The following SYT1 variants were observed in gnomAD, a reference collection of about 807,000 sequenced individuals.
SYT1 encodes synaptotagmin-1.
SYT1 carries 8 observed loss-of-function variants against 44.8 expected under a neutral mutation model. The ratio of observed to expected loss-of-function variants is 0.18; its 90% CI spans 0.10 to 0.32. SYT1 has a LOEUF of 0.32. Among genes scored for constraint, SYT1 ranks in the 10% least tolerant of loss-of-function variants. The pLI, the probability that SYT1 is intolerant of heterozygous loss-of-function variation, is 1.00. For synonymous variants in SYT1, 154 were observed against 188.8 expected, an observed-to-expected ratio of 0.82 and a Z score of 1.51; for missense variants, 286 against 509.3, an observed-to-expected ratio of 0.56 and a Z score of 4.22.
At chr12:79,420,045 T>C (rs1030304714) in intron 9 of SYT1, among the ~76,000 whole-genome samples, 3 of 152,148 alleles carry the variant, frequency 2.0e-5, no homozygotes, top group African/African-American at 4.8e-5. Context: ...TAACATGCCA[T>C]GGTAGGTAAA....
intron 3 of SYT1, among the ~76,000 whole-genome samples, chr12:79,141,862 A>T (rs1257179505): frequency 6.6e-6 from 1 of 152,158 alleles, no homozygotes; most frequent in Non-Finnish European, 1.5e-5. Context: ...TTGCCTTCAG[A>T]TGCATAATTC....
At chr12:78,879,063 A>T (rs998760329) in intron 1 of SYT1, among the ~76,000 whole-genome samples, 4 of 151,666 alleles carry the variant, frequency 2.6e-5, no homozygotes, top group African/African-American at 9.7e-5. Context: ...AATTACAAGG[A>T]TATAGGAAGT....
intron 1 of SYT1, among the ~76,000 whole-genome samples, chr12:78,866,575 G>T (rs1458035452): frequency 6.6e-6 from 1 of 152,110 alleles, no homozygotes; most frequent in Non-Finnish European, 1.5e-5. Flanking sequence ...CATCATTGGG[G>T]ATATAAGCTT....
At chr12:79,302,249 G>C in intron 8 of SYT1, among the ~76,000 whole-genome samples, 1 of 152,086 alleles carries the variant, frequency 6.6e-6, no homozygotes, top group African/African-American at 2.4e-5. Flanking sequence ...AAGAAAGTGA[G>C]AAAAAGGAGT....
intron 2 of SYT1, among the ~76,000 whole-genome samples, chr12:78,980,737 A>G (rs572933016): frequency 1.3e-5 from 2 of 152,324 alleles, no homozygotes; most frequent in African/African-American, 4.8e-5. Context: ...ATACTATATG[A>G]TCGTCAAAAT....
chr12:79,328,527 T>C (rs1292919293), intron 8 of SYT1, among the ~76,000 whole-genome samples: 1 of 152,170 alleles, frequency 6.6e-6, no homozygotes, highest in Non-Finnish European at 1.5e-5. Flanking sequence ...GATTCCACTA[T>C]CTCTTTACCA....
intron 4 of SYT1, among the ~76,000 whole-genome samples, chr12:79,271,982 T>C (rs1313178128): frequency 6.6e-6 from 1 of 152,230 alleles, no homozygotes; most frequent in Non-Finnish European, 1.5e-5. Context: ...TTGTATCACA[T>C]AGTCAATATT....
chr12:78,990,964 G>T (rs985557284), intron 2 of SYT1, among the ~76,000 whole-genome samples: 3 of 152,136 alleles, frequency 2.0e-5, no homozygotes, highest in Non-Finnish European at 4.4e-5. Flanking sequence ...ACAAGTGAAT[G>T]TGGCCTTATG....
intron 1 of SYT1, chr12:78,926,813 C>T (rs1363314783): frequency 1.3e-5 from 2 of 151,918 alleles, no homozygotes; most frequent in East Asian, 3.9e-4. Context: ...CTTTCTTTGT[C>T]CATATCTTAA....
chr12:79,119,027 C>G (rs903104731), intron 3 of SYT1, among the ~76,000 whole-genome samples: 1 of 152,120 alleles, frequency 6.6e-6, no homozygotes. Flanking sequence ...TTGCTGGTAC[C>G]ATCCAGCCAA....
chr12:79,076,965 C>G (rs1483780478), intron 3 of SYT1, among the ~76,000 whole-genome samples: 1 of 152,148 alleles, frequency 6.6e-6, no homozygotes, highest in African/African-American at 2.4e-5. Flanking sequence ...ACCCCTAACC[C>G]CAACTCTTCT....
Position 79,096,694 on chromosome 12 carries a change from G to A in SYT1, c.-18+49332G>A, listed in dbSNP as rs547749642. Reference sequence around the variant, plus strand: ...CCCATTTGGAGGAAAGAAACTAGGTGTGATTGGAAGGAAGAATCATGAAAG... The same window carrying A: ...CCCATTTGGAGGAAAGAAACTAGGTATGATTGGAAGGAAGAATCATGAAAG... On this transcript the variant is annotated intron_variant, in intron 3 of 10. Coordinates refer to ENST00000261205, the MANE Select transcript of SYT1 (RefSeq NM_005639.3). Among the ~76,000 whole-genome samples the A allele has an allele frequency of 1.6e-3, 250 of 152,108 alleles. 2 individuals carry two copies. The highest frequency in any genetic ancestry group is 2.0e-3 in the Non-Finnish European group (137 of 67,936).
At chr12:79,128,990 T>C (rs1417404322) in intron 3 of SYT1, among the ~76,000 whole-genome samples, 1 of 151,908 alleles carries the variant, frequency 6.6e-6, no homozygotes, top group Non-Finnish European at 1.5e-5. Flanking sequence ...AAAAAATATA[T>C]ATTTATATTT....
At chr12:78,869,069 G>A (rs1873688454) in intron 1 of SYT1, among the ~76,000 whole-genome samples, 1 of 151,804 alleles carries the variant, frequency 6.6e-6, no homozygotes, top group Admixed American at 6.6e-5. Context: ...GATTATCATT[G>A]CATTGGGTGG....
At chr12:79,031,221 G>A (rs1872809919) in intron 2 of SYT1, among the ~76,000 whole-genome samples, 1 of 150,920 alleles carries the variant, frequency 6.6e-6, no homozygotes, top group African/African-American at 2.4e-5. Flanking sequence ...CTTCTCTCAT[G>A]TTAAAACTCT....
intron 2 of SYT1, among the ~76,000 whole-genome samples, chr12:79,024,078 C>T (rs1419011265): frequency 2.6e-5 from 4 of 151,618 alleles, no homozygotes; most frequent in South Asian, 2.1e-4. Flanking sequence ...CTGCTGTTTT[C>T]CCAAAGGTTG....
chr12:79,132,980 A>G (rs1488110235), intron 3 of SYT1, among the ~76,000 whole-genome samples: 2 of 152,218 alleles, frequency 1.3e-5, no homozygotes, highest in African/African-American at 4.8e-5. Flanking sequence ...GTCAAGTGAA[A>G]TAAACCAGAA....
At chr12:78,972,496 G>T (rs1410111024) in intron 1 of SYT1, among the ~76,000 whole-genome samples, 1 of 150,454 alleles carries the variant, frequency 6.6e-6, no homozygotes, top group Non-Finnish European at 1.5e-5. Flanking sequence ...AATTAAGGGT[G>T]CCATAAGCAA....
chr12:79,266,189 G>A (rs369249180), intron 4 of SYT1, among the ~76,000 whole-genome samples: 30 of 152,070 alleles, frequency 2.0e-4, no homozygotes, highest in Admixed American at 7.9e-4. Context: ...TTCATGGAAG[G>A]CAAAGGAAAG....
Sources: gnomAD v4.1 joint callset for allele counts (sites outside exome capture counted in the v4.1 genomes callset) on GRCh38, gnomAD v4.1.1 for gene constraint, MANE v1.5 for transcripts, NCBI Gene and HGNC (gene_info 2026-07-23, HGNC 2026-07-21) for gene names.